EYA1: variants seen among roughly 807,000 people sequenced by gnomAD.
The protein encoded by EYA1 is protein phosphatase EYA1.
A neutral mutation model predicts 82.0 loss-of-function variants in EYA1; 16 were observed. The ratio of observed to expected loss-of-function variants is 0.20; its 90% CI spans 0.13 to 0.30. EYA1 has a LOEUF of 0.30. Ranked by LOEUF, EYA1 falls within the 10% of genes least tolerant of loss-of-function variation. EYA1 has a pLI of 1.00. For synonymous variants in EYA1, 261 were observed against 264.4 expected (o/e 0.99, Z 0.12); for missense variants, 633 against 730.7 (o/e 0.87, Z 1.54).
chr8:71,485,298 T>C (rs890428249), intron 2 of EYA1, among the ~76,000 whole-genome samples: 1 of 152,212 alleles, frequency 6.6e-6, no homozygotes, highest in Non-Finnish European at 1.5e-5. Flanking sequence ...TTCATATATA[T>C]AACTAAAACC....
At chr8:71,275,094 C>T (rs1007238903) in intron 9 of EYA1, among the ~76,000 whole-genome samples, 11 of 152,062 alleles carry the variant, frequency 7.2e-5, no homozygotes, top group Non-Finnish European at 1.3e-4. Flanking sequence ...GGAGTGGGGG[C>T]TCACACTCCA....
At chr8:71,217,811 A>T (rs1193017160) in intron 12 of EYA1, among the ~76,000 whole-genome samples, 1 of 152,166 alleles carries the variant, frequency 6.6e-6, no homozygotes, top group African/African-American at 2.4e-5. Flanking sequence ...AACTGTGTAA[A>T]CTACTTAGAA....
intron 2 of EYA1, among the ~76,000 whole-genome samples, chr8:71,398,790 C>G (rs1184541625): frequency 6.6e-6 from 1 of 152,346 alleles, no homozygotes; most frequent in South Asian, 2.1e-4. Context: ...GTCTCAAACT[C>G]CGTGCTGGGA....
chr8:71,285,097 T>C (rs958035355), intron 9 of EYA1, among the ~76,000 whole-genome samples: 4 of 152,222 alleles, frequency 2.6e-5, no homozygotes, highest in African/African-American at 4.8e-5. Flanking sequence ...TGGCTGGTAA[T>C]GAAACGTTGA....
chr8:71,422,838 C>T (rs759832174), intron 2 of EYA1, among the ~76,000 whole-genome samples: 10 of 152,140 alleles, frequency 6.6e-5, no homozygotes, highest in Non-Finnish European at 1.3e-4. Flanking sequence ...TTACCCCCCA[C>T]GGGATCCCTC....
At chr8:71,515,815 G>A (rs1398459393) in intron 2 of EYA1, among the ~76,000 whole-genome samples, 1 of 152,014 alleles carries the variant, frequency 6.6e-6, no homozygotes, top group Non-Finnish European at 1.5e-5. Flanking sequence ...AAGACCTTTT[G>A]CAATTCAAAC....
chr8:71,384,253 C>T (rs1716218568), intron 2 of EYA1, among the ~76,000 whole-genome samples: 1 of 152,186 alleles, frequency 6.6e-6, no homozygotes, highest in South Asian at 2.1e-4. Flanking sequence ...CCCATTTAAA[C>T]ATTTTTAAGA....
intron 3 of EYA1, among the ~76,000 whole-genome samples, chr8:71,344,290 T>C (rs1288964797): frequency 6.6e-6 from 1 of 152,126 alleles, no homozygotes; most frequent in Non-Finnish European, 1.5e-5. Flanking sequence ...TATGAAAAGA[T>C]TGTACCAATA....
intron 2 of EYA1, among the ~76,000 whole-genome samples, chr8:71,494,022 C>CAAAAAAAAAAAAAAAAAAAAAAAAAAAA (rs34340467): frequency 2.4e-5 from 1 of 41,858 alleles, no homozygotes; most frequent in African/African-American, 6.7e-5. Flanking sequence ...GACTCCGTCT[C>CAAAAAAAAAAAAAAAAAAAAAAAAAAAA]AAAAAAAAAA....
chr8:71,547,668 G>A (rs1200074588), intron 1 of EYA1: 5 of 151,686 alleles, frequency 3.3e-5, no homozygotes, highest in African/African-American at 1.2e-4. Flanking sequence ...GCAGCCGCGG[G>A]CTCTCGGCCG....
intron 11 of EYA1, among the ~76,000 whole-genome samples, chr8:71,246,267 G>A (rs906001303): frequency 2.6e-5 from 4 of 152,208 alleles, no homozygotes; most frequent in Non-Finnish European, 4.4e-5. Context: ...TTTGGAATAA[G>A]TATGGAATCT....
chr8:71,288,835 A>G (rs1298207803), intron 9 of EYA1, among the ~76,000 whole-genome samples: 1 of 152,222 alleles, frequency 6.6e-6, no homozygotes, highest in Non-Finnish European at 1.5e-5. Context: ...GTCACATAAA[A>G]CTGAAAGAGT....
intron 2 of EYA1, among the ~76,000 whole-genome samples, chr8:71,407,842 C>A (rs1830348279): frequency 6.7e-6 from 1 of 149,174 alleles, no homozygotes; most frequent in African/African-American, 2.5e-5. Flanking sequence ...GCAAGGCAGG[C>A]CAACGTTCAG....
intron 4 of EYA1, chr8:71,323,920 A>G (rs1335880859): frequency 6.6e-6 from 1 of 152,236 alleles, no homozygotes; most frequent in Non-Finnish European, 1.5e-5. Flanking sequence ...CTGCTCCTCT[A>G]AGACAGAAAA....
intron 2 of EYA1, among the ~76,000 whole-genome samples, chr8:71,477,817 C>T (rs1319940228): frequency 6.6e-6 from 1 of 152,070 alleles, no homozygotes; most frequent in Non-Finnish European, 1.5e-5. Context: ...TTCATAATAG[C>T]CAAATGCAAA....
intron 2 of EYA1, among the ~76,000 whole-genome samples, chr8:71,531,442 A>G (rs1006092005): frequency 1.3e-5 from 2 of 152,226 alleles, no homozygotes; most frequent in African/African-American, 4.8e-5. Flanking sequence ...TATTTGATTC[A>G]GACACAAGTT....
intron 2 of EYA1, among the ~76,000 whole-genome samples, chr8:71,465,517 G>A (rs1808709653): frequency 6.6e-6 from 1 of 152,108 alleles, no homozygotes; most frequent in Non-Finnish European, 1.5e-5. Flanking sequence ...CAGCTACTCA[G>A]GAGGCTGAGG....
intron 17 of EYA1, among the ~76,000 whole-genome samples, chr8:71,208,139 T>G (rs761872397): frequency 6.6e-6 from 1 of 152,040 alleles, no homozygotes; most frequent in Non-Finnish European, 1.5e-5. Flanking sequence ...AGTATAAAAA[T>G]TAACTAAAAC....
chr8:71,476,951 A>C (rs1184272612), intron 2 of EYA1, among the ~76,000 whole-genome samples: 1 of 152,128 alleles, frequency 6.6e-6, no homozygotes, highest in African/African-American at 2.4e-5. Context: ...TTTTCAACAA[A>C]AGTGACAAGA....
Sources: allele counts gnomAD v4.1 joint callset (sites outside exome capture counted in the v4.1 genomes callset), GRCh38; gene constraint gnomAD v4.1.1; transcripts MANE v1.5; gene names NCBI Gene and HGNC (gene_info 2026-07-23, HGNC 2026-07-21).